SCMH1: variants seen among roughly 807,000 people sequenced by gnomAD.
SCMH1 encodes the protein polycomb protein SCMH1.
SCMH1 carries 37 observed loss-of-function variants against 70.8 expected under a neutral mutation model. That is an observed-to-expected ratio of 0.52 (90% CI 0.40 to 0.69). The LOEUF is 0.69. Ranked by LOEUF, SCMH1 falls within the 30% of genes least tolerant of loss-of-function variation. The pLI, the probability that SCMH1 is intolerant of heterozygous loss-of-function variation, is 0.00. For missense variants in SCMH1, 607 were observed against 827.3 expected (o/e 0.73, Z 3.27); for synonymous variants, 292 against 307.4 (o/e 0.95, Z 0.52).
At chr1:41,120,668 T>C (rs1050868883) in intron 6 of SCMH1, among the ~76,000 whole-genome samples, 1 of 152,160 alleles carries the variant, frequency 6.6e-6, no homozygotes, top group African/African-American at 2.4e-5. Context: ...TACCTCAATA[T>C]TCTTGGGCAA....
intron 10 of SCMH1, among the ~76,000 whole-genome samples, chr1:41,060,777 T>C (rs1652347488): frequency 6.6e-6 from 1 of 152,126 alleles, no homozygotes; most frequent in African/African-American, 2.4e-5. Flanking sequence ...CCTGAGTAGC[T>C]TGGGGCTACA....
At chr1:41,120,020 C>G (rs140343856) in intron 6 of SCMH1, among the ~76,000 whole-genome samples, 62 of 152,326 alleles carry the variant, frequency 4.1e-4, no homozygotes, top group African/African-American at 1.5e-3. Flanking sequence ...CCCAGAGCAG[C>G]TTTGCCATGA....
chr1:41,189,403 G>A (rs911984909), intron 1 of SCMH1, among the ~76,000 whole-genome samples: 4 of 152,208 alleles, frequency 2.6e-5, no homozygotes, highest in South Asian at 2.1e-4. Context: ...CACCCGCCTC[G>A]GCCTCCCAAA....
chr1:41,207,941 A>T (rs2148771966), intron 1 of SCMH1, among the ~76,000 whole-genome samples: 1 of 141,388 alleles, frequency 7.1e-6, no homozygotes, highest in South Asian at 2.5e-4. Context: ...TACCCAAAGG[A>T]CTATAAATCA....
chr1:41,160,744 GCACAGGATT>G (rs1645947630), intron 4 of SCMH1, 122 bp downstream of exon 4: 1 of 846,890 alleles, frequency 1.2e-6, no homozygotes, highest in Non-Finnish European at 1.9e-6. Flanking sequence ...GCAGACAAGA[GCACAGGATT>G]CACTGGTTTC....
At chr1:41,181,982 A>C (rs1412269905) in intron 2 of SCMH1, among the ~76,000 whole-genome samples, 2 of 152,222 alleles carry the variant, frequency 1.3e-5, no homozygotes, top group Admixed American at 6.5e-5. Flanking sequence ...GGATTAAGAA[A>C]ATGTGGCACA....
chr1:41,117,929 A>G (rs1393709137), intron 6 of SCMH1, among the ~76,000 whole-genome samples: 2 of 150,174 alleles, frequency 1.3e-5, no homozygotes, highest in Non-Finnish European at 3.0e-5. Context: ...CAGGGCCACT[A>G]CTGGTCTCTG....
chr1:41,161,095 T>A (rs1159836577), intron 3 of SCMH1, among the ~76,000 whole-genome samples, 197 bp from the exon 4 acceptor site: 1 of 152,178 alleles, frequency 6.6e-6, no homozygotes, highest in Non-Finnish European at 1.5e-5. Context: ...CCTAAACTTA[T>A]ACAAACTATA....
chr1:41,109,464 AT>A, intron 8 of SCMH1, among the ~76,000 whole-genome samples: 1 of 152,174 alleles, frequency 6.6e-6, no homozygotes, highest in Non-Finnish European at 1.5e-5. Context: ...GAGTAACCAC[AT>A]TTTTTCCACA....
intron 8 of SCMH1, among the ~76,000 whole-genome samples, chr1:41,077,246 C>T (rs1478559887): frequency 1.3e-5 from 2 of 152,102 alleles, no homozygotes; most frequent in Non-Finnish European, 2.9e-5. Context: ...CTGAGGGCAT[C>T]TGCTAATTTT....
At chr1:41,081,665 A>T (rs571985887) in intron 8 of SCMH1, among the ~76,000 whole-genome samples, 12 of 152,192 alleles carry the variant, frequency 7.9e-5, no homozygotes, top group South Asian at 2.1e-4. Context: ...AAAATTTTTT[A>T]AAAAATTAGC....
chr1:41,064,799 G>T (rs765447110), intron 10 of SCMH1, among the ~76,000 whole-genome samples: 10 of 151,956 alleles, frequency 6.6e-5, no homozygotes, highest in Non-Finnish European at 8.8e-5. Flanking sequence ...CATGTCTGTA[G>T]TTCTAGCTAC....
chr1:41,144,112 A>G (rs1163375847), intron 5 of SCMH1, among the ~76,000 whole-genome samples: 1 of 152,184 alleles, frequency 6.6e-6, no homozygotes, highest in Admixed American at 6.5e-5. Flanking sequence ...TTTAAATCAC[A>G]AAACAGAAAA....
rs928584118 is a variant in SCMH1 at position 41,028,811 on chromosome 1, T to G, written c.1679-85A>C. On this transcript the variant is annotated intron_variant, in intron 13 of 14. Transcript: ENST00000337495. The stretch of plus-strand genomic sequence containing the variant: ...CTCTCCTTGGCACATCTCAGTGGCC[T>G]TCTAGGTGATGCTCACAGTAGTGCC... The G allele has an allele frequency of 5.5e-6, 8 of 1,445,114 alleles. No homozygotes were observed. In the South Asian group the frequency reaches 1.0e-4, roughly 18 times the overall value. 89.5% of individuals were successfully genotyped at this position (1,445,114 alleles called of 1,614,324 possible).
chr1:41,070,253 ATT>A (rs1656021551), intron 10 of SCMH1, among the ~76,000 whole-genome samples: 1 of 152,020 alleles, frequency 6.6e-6, no homozygotes, highest in South Asian at 2.1e-4. Flanking sequence ...TTTCATACAT[ATT>A]TTAAGGGTGG....
rs914172585 is a variant in SCMH1, at chr1:41,131,884, C to A, written c.412+10994G>T. Among the ~76,000 whole-genome samples, 6 of 152,198 alleles carry A rather than the reference C, an allele frequency of 3.9e-5. 1 individual carries two copies. In the South Asian group the frequency reaches 1.2e-3, roughly 32 times the overall value. Reference sequence around the variant, plus strand: ...TCCCTACAAAGGACATGAACTCATCCTTTTTATGGCTGCATAGTATTCCAT... The same window carrying A: ...TCCCTACAAAGGACATGAACTCATCATTTTTATGGCTGCATAGTATTCCAT... On this transcript the variant is annotated intron_variant, in intron 6 of 14. Transcript: ENST00000337495.
At chr1:41,097,425 A>C (rs936437735) in intron 8 of SCMH1, among the ~76,000 whole-genome samples, 10 of 152,212 alleles carry the variant, frequency 6.6e-5, no homozygotes, top group Non-Finnish European at 1.3e-4. Context: ...GGCTCAAAAA[A>C]GAATGTCTTT....
At position 41,046,400 on chromosome 1, in the gene SCMH1, C is replaced by T; in HGVS notation, c.1498+7G>A. ...ACTCTCAGCCCAGGCCCCATCCCAG[C>T]TCCTACCTGGTAGGTACCTGTCGTG... On this transcript the variant is annotated splice_region_variant and intron_variant, in intron 12 of 14. Transcript: ENST00000337495. The T allele has an allele frequency of 6.2e-7, 1 of 1,613,176 alleles. No homozygotes were observed. The highest frequency in any genetic ancestry group is 8.5e-7 in the Non-Finnish European group (1 of 1,179,310).
At chr1:41,105,305 G>A (rs1185041820) in intron 8 of SCMH1, among the ~76,000 whole-genome samples, 1 of 152,008 alleles carries the variant, frequency 6.6e-6, no homozygotes, top group African/African-American at 2.4e-5. Context: ...TCATAGATGC[G>A]AGTAGTATTC....
Sources: gnomAD v4.1 joint callset for allele counts (sites outside exome capture counted in the v4.1 genomes callset) on GRCh38, gnomAD v4.1.1 for gene constraint, MANE v1.5 for transcripts, NCBI Gene and HGNC (gene_info 2026-07-23, HGNC 2026-07-21) for gene names.